RPH3A: variants seen among roughly 807,000 people sequenced by gnomAD.
RPH3A encodes the protein rabphilin-3A.
RPH3A carries 48 observed loss-of-function variants against 102.2 expected under a neutral mutation model. The observed-to-expected ratio is 0.47, with a 90% CI of 0.37 to 0.60. The LOEUF is 0.60. Among genes scored for constraint, RPH3A ranks in the 20% least tolerant of loss-of-function variants. The pLI, the probability that RPH3A is intolerant of heterozygous loss-of-function variation, is 0.00. For synonymous variants in RPH3A, 310 were observed against 324.3 expected (o/e 0.96, Z 0.47); for missense variants, 781 against 910.1 (o/e 0.86, Z 1.83).
chr12:112,581,330 C>T (rs965306758), intron 1 of RPH3A, among the ~76,000 whole-genome samples: 2 of 152,094 alleles, frequency 1.3e-5, no homozygotes, highest in East Asian at 1.9e-4. Context: ...CATCAGACCT[C>T]GTGAGGCTTA....
chr12:112,826,959 C>T (rs1940661306), intron 2 of RPH3A, among the ~76,000 whole-genome samples: 1 of 152,116 alleles, frequency 6.6e-6, no homozygotes, highest in Non-Finnish European at 1.5e-5. Flanking sequence ...GCATATTTCT[C>T]AGGTATATAC....
intron 1 of RPH3A, among the ~76,000 whole-genome samples, chr12:112,643,868 A>G (rs2039907888): frequency 6.6e-6 from 1 of 152,264 alleles, no homozygotes; most frequent in Non-Finnish European, 1.5e-5. Flanking sequence ...CTACACTTGT[A>G]TGTTTATCAC....
At chr12:112,626,960 C>G (rs2039770781) in intron 1 of RPH3A, among the ~76,000 whole-genome samples, 1 of 87,974 alleles carries the variant, frequency 1.1e-5, no homozygotes, top group African/African-American at 4.5e-5. Context: ...ATCGCAAGAA[C>G]AAAAAACCAA....
At chr12:112,688,483 A>G (rs764319838) in intron 1 of RPH3A, among the ~76,000 whole-genome samples, 108 of 152,218 alleles carry the variant, frequency 7.1e-4, no homozygotes, top group Non-Finnish European at 1.0e-3. Context: ...TTTTTCAAAG[A>G]ATATTCCATC....
rs1565857029 is a variant in RPH3A at position 112,712,982 on chromosome 12, TCG to T, written c.-139-79160_-139-79159del. Among the ~76,000 whole-genome samples, 168 of 111,482 alleles carry T rather than the reference TCG, an allele frequency of 1.5e-3. 12 individuals are homozygous for T. Among genetic ancestry groups the T allele is most frequent in the East Asian group, 5.0e-3 (18 of 3,608 alleles). The allele number at this position is 111,482 out of a possible 152,430, so 73.1% of individuals were successfully genotyped here. ...CTTCTTCTTTCTTCTTCTTTCTTCT[TCG>T]TCGTCTTTGTCTTCCTCTTCCTCTT... On this transcript the variant is annotated intron_variant, in intron 1 of 21. Coordinates refer to the RPH3A transcript ENST00000543106.
At chr12:112,812,982 A>G (rs1037593518) in intron 2 of RPH3A, among the ~76,000 whole-genome samples, 4 of 152,200 alleles carry the variant, frequency 2.6e-5, no homozygotes, top group Non-Finnish European at 4.4e-5. Flanking sequence ...CTCTTTATTT[A>G]ACCATGTGCC....
intron 1 of RPH3A, among the ~76,000 whole-genome samples, chr12:112,716,773 A>C (rs904145987): frequency 2.0e-5 from 3 of 152,242 alleles, no homozygotes; most frequent in Non-Finnish European, 4.4e-5. Context: ...GGGGACAATT[A>C]GTGGTCTTTT....
chr12:112,846,923 C>T (rs1257242467), intron 4 of RPH3A, among the ~76,000 whole-genome samples: 1 of 152,186 alleles, frequency 6.6e-6, no homozygotes, highest in Non-Finnish European at 1.5e-5. Flanking sequence ...CTGCCCCTGC[C>T]ACTTGCCAGC....
At chr12:112,617,107 T>G (rs943911096) in intron 1 of RPH3A, among the ~76,000 whole-genome samples, 6 of 152,202 alleles carry the variant, frequency 3.9e-5, no homozygotes, top group African/African-American at 1.2e-4. Context: ...CAGCCTAAGC[T>G]CTTTCTCTCT....
chr12:112,758,871 A>G (rs988788315), intron 1 of RPH3A, among the ~76,000 whole-genome samples: 1 of 152,210 alleles, frequency 6.6e-6, no homozygotes, highest in South Asian at 2.1e-4. Context: ...TGGGTGTCCC[A>G]TTGTGCTTTC....
intron 1 of RPH3A, among the ~76,000 whole-genome samples, chr12:112,721,983 T>G (rs887327441): frequency 6.6e-6 from 1 of 152,186 alleles, no homozygotes; most frequent in Non-Finnish European, 1.5e-5. Context: ...TTCCCCAAAC[T>G]CTTTTGAGAT....
chr12:112,801,392 T>C (rs546009908), intron 2 of RPH3A, among the ~76,000 whole-genome samples: 5 of 152,366 alleles, frequency 3.3e-5, no homozygotes, highest in Admixed American at 3.3e-4. Context: ...AGATGTTCTT[T>C]CTTCCTTTTT....
intron 1 of RPH3A, among the ~76,000 whole-genome samples, chr12:112,770,201 C>A (rs2040918209): frequency 6.6e-6 from 1 of 152,116 alleles, no homozygotes; most frequent in Non-Finnish European, 1.5e-5. Flanking sequence ...CTATTACAGA[C>A]CAGGTTGTAA....
At chr12:112,757,148 T>C (rs545220002) in intron 1 of RPH3A, among the ~76,000 whole-genome samples, 125 of 152,332 alleles carry the variant, frequency 8.2e-4, no homozygotes, top group African/African-American at 3.0e-3. Context: ...TAAAATGAAT[T>C]TAAATAGAGG....
chr12:112,811,048 A>T (rs2041566572), intron 2 of RPH3A, among the ~76,000 whole-genome samples: 1 of 152,108 alleles, frequency 6.6e-6, no homozygotes, highest in Non-Finnish European at 1.5e-5. Context: ...ATGTTCTGCA[A>T]AGTTGCCACA....
At chr12:112,633,449 T>C (rs568737383) in intron 1 of RPH3A, among the ~76,000 whole-genome samples, 3 of 152,156 alleles carry the variant, frequency 2.0e-5, no homozygotes, top group African/African-American at 7.2e-5. Context: ...AATGGATTAA[T>C]GGACTAATGG....
chr12:112,680,686 C>T (rs1052668848), intron 1 of RPH3A, among the ~76,000 whole-genome samples: 1 of 152,120 alleles, frequency 6.6e-6, no homozygotes, highest in South Asian at 2.1e-4. Context: ...TCTGGTTACC[C>T]AAAGAAGACA....
intron 10 of RPH3A, among the ~76,000 whole-genome samples, chr12:112,870,878 C>G (rs772547263): frequency 1.3e-5 from 2 of 152,164 alleles, no homozygotes. Flanking sequence ...TCCTCAACAT[C>G]AGGAAGTATT....
At chr12:112,763,265 C>G (rs969518660) in intron 1 of RPH3A, among the ~76,000 whole-genome samples, 1 of 152,224 alleles carries the variant, frequency 6.6e-6, no homozygotes, top group Non-Finnish European at 1.5e-5. Flanking sequence ...GTGTCCATGA[C>G]AAGAGTCAAA....
Sources: allele counts gnomAD v4.1 joint callset (sites outside exome capture counted in the v4.1 genomes callset), GRCh38; gene constraint gnomAD v4.1.1; transcripts MANE v1.5; gene names NCBI Gene and HGNC (gene_info 2026-07-23, HGNC 2026-07-21).